PLA2G4E: variants seen among roughly 807,000 people sequenced by gnomAD.
The protein encoded by PLA2G4E is cytosolic phospholipase A2 epsilon.
PLA2G4E carries 84 observed loss-of-function variants against 109.1 expected under a neutral mutation model. The ratio of observed to expected loss-of-function variants is 0.77; its 90% CI spans 0.65 to 0.92. The LOEUF is 0.92. PLA2G4E is among the 40% of genes least tolerant of loss of function. The pLI is 0.00. For missense variants in PLA2G4E, 1,057 were observed against 1,076.6 expected, an observed-to-expected ratio of 0.98 and a Z score of 0.25; for synonymous variants, 469 against 436.1, an observed-to-expected ratio of 1.08 and a Z score of -0.94.
chr15:42,016,919 A>G (rs1704373), intron 1 of PLA2G4E, among the ~76,000 whole-genome samples: 130,222 of 152,288 alleles, frequency 0.86, 55,975 homozygotes, highest in South Asian at 0.95. Context: ...CTGGAGACAC[A>G]GCTGTGGCCT....
intron 1 of PLA2G4E, among the ~76,000 whole-genome samples, chr15:42,019,466 G>C (rs2141063608): frequency 6.6e-6 from 1 of 152,306 alleles, no homozygotes; most frequent in Non-Finnish European, 1.5e-5. Context: ...GAAGTCTGGG[G>C]AGCCTGGAGA....
At position 41,998,952 on chromosome 15, in the gene PLA2G4E, C is replaced by G. The variant is rs576545598; in HGVS notation, c.974+572G>C. Reference sequence around the variant, plus strand: ...TCTGTAATCCCAGCTACTGGGGAGGCTGAGGCAGGAGAATCGCTTAACCCA... The same window carrying G: ...TCTGTAATCCCAGCTACTGGGGAGGGTGAGGCAGGAGAATCGCTTAACCCA... On this transcript the variant is annotated intron_variant, in intron 10 of 19. Transcript: ENST00000399518. 6 of 152,288 alleles carry G rather than the reference C, an allele frequency of 3.9e-5. No individual in the cohort carries two copies. In the East Asian group the frequency reaches 1.2e-3, roughly 29 times the overall value. The allele number at this position is 152,288 out of a possible 1,614,324, so 9.4% of individuals were successfully genotyped here.
intron 1 of PLA2G4E, among the ~76,000 whole-genome samples, chr15:42,047,097 A>G (rs1889429399): frequency 6.6e-6 from 1 of 152,200 alleles, no homozygotes; most frequent in Admixed American, 6.5e-5. Context: ...ATAACAGAAT[A>G]TCTGAGACTG....
intron 1 of PLA2G4E, among the ~76,000 whole-genome samples, chr15:42,045,142 G>A (rs1021260650): frequency 2.6e-5 from 4 of 152,162 alleles, no homozygotes; most frequent in Non-Finnish European, 5.9e-5. Flanking sequence ...AGGCCGGTGG[G>A]GAGTCTCAGG....
intron 18 of PLA2G4E, among the ~76,000 whole-genome samples, chr15:41,984,915 C>T (rs754002618): frequency 6.6e-6 from 1 of 152,166 alleles, no homozygotes; most frequent in South Asian, 2.1e-4. Context: ...CCTGGAAGGG[C>T]GACTGGAACC....
intron 17 of PLA2G4E, among the ~76,000 whole-genome samples, chr15:41,986,694 T>A (rs2068147493): frequency 6.6e-6 from 1 of 150,690 alleles, no homozygotes; most frequent in South Asian, 2.1e-4. Flanking sequence ...TTAAAAACAA[T>A]TTTTTTTTAA....
chr15:41,987,219 T>C lies in PLA2G4E; in HGVS notation c.1988A>G (p.Gln663Arg), dbSNP rs1461807495. ...ATTCTGGAGGTAGTTGGTGTGCAGC[T>C]GCAGCCCAGACAGGAAGTTGTGAAA... is the stretch of plus-strand genomic sequence containing the variant. The change falls in exon 17 of 20, where the codon CAG becomes CGG. Residue 663 changes from glutamine (Q) to arginine (R), a missense_variant. Physicochemically the swap from Gln to Arg is conservative, Grantham distance 43. Coordinates refer to ENST00000399518, the Ensembl canonical transcript of PLA2G4E. The C allele has an allele frequency of 5.6e-6, 9 of 1,614,026 alleles. No homozygotes were observed. In the East Asian group the frequency reaches 1.1e-4, roughly 20 times the overall value.
At position 42,010,137 on chromosome 15, in the gene PLA2G4E, C is replaced by CG. The variant is rs1555387012; in HGVS notation, c.257-2273_257-2272insC. ...TTGGCTTTTCCAGAACACTGGCCCC[C>CG]CCACCCCGGGCCTGGACCACACCCT... On this transcript the variant is annotated intron_variant, in intron 2 of 19. Transcript: ENST00000399518. 1.3e-5 allele frequency: 6 copies of CG among 474,480 alleles called. 1 individual carries two copies. The highest frequency in any genetic ancestry group is 2.0e-5 in the Admixed American group (1 of 49,158). 29.4% of individuals were successfully genotyped at this position (474,480 alleles called of 1,614,324 possible).
chr15:42,007,066 G>A (rs1258481749), intron 3 of PLA2G4E, among the ~76,000 whole-genome samples: 1 of 152,184 alleles, frequency 6.6e-6, no homozygotes, highest in Admixed American at 6.5e-5. Context: ...AAATAAATAA[G>A]TATCCCTAAA....
In PLA2G4E at chr15:41,990,078, C is replaced by G. The variant is rs537308784; in HGVS notation, c.1585+43G>C. The stretch of plus-strand genomic sequence containing the variant: ...GGGTGCTTTTGCCCACCAAGAAGTC[C>G]CCCCCTCCACCCCACTTGTAAATCA... On this transcript the variant is annotated intron_variant, in intron 14 of 19. Coordinates refer to ENST00000399518, the Ensembl canonical transcript of PLA2G4E. The G allele has an allele frequency of 8.4e-6, 13 of 1,545,230 alleles. No homozygotes were observed. In the East Asian group the frequency reaches 2.5e-4, roughly 30 times the overall value.
rs375190320 is a variant in PLA2G4E, at chr15:41,997,547, G to A, written c.975-288C>T. 29 of 228,772 alleles carry A rather than the reference G, an allele frequency of 1.3e-4. No individual in the cohort carries two copies. The East Asian group carries it at 2.3e-3, about 18-fold the overall frequency. The allele number at this position is 228,772 out of a possible 1,614,324, so 14.2% of individuals were successfully genotyped here. On this transcript the variant is annotated intron_variant, in intron 10 of 19. Transcript: ENST00000399518. ...TAACTGTTGGCACTGTGTTAGGGAC[G>A]CTTTGAGTCCTCTGTCTCCTCGGCC...
At chr15:41,989,853 G>A (rs1029963833) in intron 14 of PLA2G4E, among the ~76,000 whole-genome samples, 10 of 152,242 alleles carry the variant, frequency 6.6e-5, no homozygotes, top group African/African-American at 1.9e-4. Context: ...TCTGGGCAGC[G>A]TAGAAATATC....
chr15:41,988,510 G>C (rs1319268287), intron 15 of PLA2G4E, among the ~76,000 whole-genome samples: 1 of 152,160 alleles, frequency 6.6e-6, no homozygotes, highest in Non-Finnish European at 1.5e-5. Context: ...GGCACATGGC[G>C]AGCACTCAAT....
intron 1 of PLA2G4E, among the ~76,000 whole-genome samples, chr15:42,038,550 A>C (rs1889258433): frequency 6.6e-6 from 1 of 152,152 alleles, no homozygotes; most frequent in South Asian, 2.1e-4. Flanking sequence ...TCCTATGAGG[A>C]TCTAACGGCA....
chr15:42,027,616 C>G (rs768986529), intron 1 of PLA2G4E, among the ~76,000 whole-genome samples: 6 of 152,170 alleles, frequency 3.9e-5, no homozygotes, highest in Non-Finnish European at 7.3e-5. Context: ...CGTGACTGGC[C>G]GGATTCAAGC....
chr15:42,019,759 C>A (rs2068630340), intron 1 of PLA2G4E, among the ~76,000 whole-genome samples: 1 of 152,208 alleles, frequency 6.6e-6, no homozygotes, highest in Non-Finnish European at 1.5e-5. Context: ...GAGGAGCTAC[C>A]ATGGCTGTTT....
At chr15:42,048,182 G>A (rs1222404400) in intron 1 of PLA2G4E, among the ~76,000 whole-genome samples, 1 of 152,212 alleles carries the variant, frequency 6.6e-6, no homozygotes, top group Non-Finnish European at 1.5e-5. Flanking sequence ...GTTCAGTACA[G>A]TAACAGGCTG....
intron 15 of PLA2G4E, 37 bp from the exon 16 acceptor site, chr15:41,988,193 C>T: frequency 1.4e-6 from 2 of 1,457,318 alleles, no homozygotes; most frequent in Non-Finnish European, 1.9e-6. Flanking sequence ...CTCCACCCTG[C>T]AGCCCCAGGC....
intron 2 of PLA2G4E, among the ~76,000 whole-genome samples, chr15:42,012,821 C>T (rs2068550320): frequency 6.6e-6 from 1 of 152,256 alleles, no homozygotes; most frequent in Admixed American, 6.5e-5. Context: ...TTCGGGATCC[C>T]TGTGGCGCTT....
Sources: gnomAD v4.1 joint callset for allele counts (sites outside exome capture counted in the v4.1 genomes callset) on GRCh38, gnomAD v4.1.1 for gene constraint, MANE v1.5 for transcripts, NCBI Gene and HGNC (gene_info 2026-07-23, HGNC 2026-07-21) for gene names.